The following ANK2 variants were observed in gnomAD, a reference collection of about 807,000 sequenced individuals.
ANK2 encodes ankyrin-2.
In ANK2, 83 loss-of-function variants were observed where a neutral mutation model predicts 360.5. That is an observed-to-expected ratio of 0.23 (90% confidence interval 0.19 to 0.28). The LOEUF is 0.28. Among genes scored for constraint, ANK2 ranks in the 10% least tolerant of loss-of-function variants. The pLI is 1.00. For missense variants in ANK2, 4,201 were observed against 4,795.7 expected, an observed-to-expected ratio of 0.88 and a Z score of 3.66; for synonymous variants, 1,740 against 1,759.5, an observed-to-expected ratio of 0.99 and a Z score of 0.28.
chr4:113,216,431 T>C (rs778781320), intron 4 of ANK2, among the ~76,000 whole-genome samples: 3 of 152,206 alleles, frequency 2.0e-5, no homozygotes, highest in Non-Finnish European at 2.9e-5. Flanking sequence ...GATTCTTTAC[T>C]TAGAAGAATT....
intron 24 of ANK2, among the ~76,000 whole-genome samples, chr4:113,315,138 T>C (rs555373864): frequency 3.9e-5 from 6 of 152,368 alleles, no homozygotes; most frequent in African/African-American, 1.4e-4. Flanking sequence ...AACACCTCTC[T>C]ATTCCTCTCA....
rs757052638 is a variant in ANK2 at position 113,007,627 on chromosome 4, T to C, written c.21+103113T>C. Among the ~76,000 whole-genome samples the C allele has an allele frequency of 4.7e-4, 71 of 152,112 alleles. 1 individual carries two copies. Among genetic ancestry groups the C allele is most frequent in the South Asian group, 4.1e-4 (2 of 4,836 alleles). On this transcript the variant is annotated intron_variant, in intron 2 of 30. Coordinates refer to the ANK2 transcript ENST00000503271. ...CATCACATTAAATTTAAGACTTCGA[T>C]TGCTAAACAGTGAATATACATACAG...
chr4:112,822,445 C>CA (rs1164763149), intron 1 of ANK2, among the ~76,000 whole-genome samples: 9 of 145,754 alleles, frequency 6.2e-5, no homozygotes, highest in South Asian at 2.2e-4. Context: ...AAAACAACAA[C>CA]AACAAAAAAC....
Position 113,258,062 on chromosome 4 carries a change from C to A in ANK2, c.1201C>A (p.Pro401Thr). 1.2e-6 allele frequency: 2 copies of A among 1,614,032 alleles called. No homozygotes were observed. Among genetic ancestry groups the A allele is most frequent in the Non-Finnish European group, 1.7e-6 (2 of 1,179,884 alleles). Residue 401 changes from proline to threonine, a missense_variant, in exon 12 of 46, where the codon CCA becomes ACA. By Grantham distance (38) the Pro-to-Thr change is conservative (BLOSUM62 -1). Transcript: ENST00000357077. ...PNARALNGFTPLHIACKKNRI... is the reference protein window; with the variant it reads ...PNARALNGFTTLHIACKKNRI... ...GTCTTTTGCACAGAATGGTTTTACT[C>A]CACTGCACATTGCCTGCAAGAAAAA...
At chr4:113,161,627 T>C (rs1457381536) in intron 1 of ANK2, among the ~76,000 whole-genome samples, 1 of 151,762 alleles carries the variant, frequency 6.6e-6, no homozygotes, top group Admixed American at 6.6e-5. Flanking sequence ...AATAAGAAAA[T>C]GTCAGCTGCA....
At chr4:113,200,014 A>G (rs965970334) in intron 4 of ANK2, among the ~76,000 whole-genome samples, 2 of 152,226 alleles carry the variant, frequency 1.3e-5, no homozygotes, top group Non-Finnish European at 2.9e-5. Flanking sequence ...ACAAAAGGCA[A>G]TGGTTAAATC....
intron 5 of ANK2, among the ~76,000 whole-genome samples, chr4:113,236,066 C>T (rs1334945382): frequency 1.3e-5 from 2 of 152,094 alleles, no homozygotes; most frequent in African/African-American, 4.8e-5. Flanking sequence ...ATTCTATTGC[C>T]CATATTTTTT....
upstream of ANK2, among the ~76,000 whole-genome samples, chr4:112,816,741 T>TG (rs1429965884): frequency 1.3e-5 from 2 of 152,258 alleles, no homozygotes; most frequent in Admixed American, 6.5e-5. Context: ...CCGGGCACAG[T>TG]GGCTCACGCC....
chr4:113,353,459 A>AGGG lies in ANK2; in HGVS notation c.4841_4842insGGG (p.Tyr1614delinsTer). 6.2e-7 allele frequency: 1 copy of AGGG among 1,614,100 alleles called. No individual in the cohort carries two copies. The highest frequency in any genetic ancestry group is 8.5e-7 in the Non-Finnish European group (1 of 1,179,972). On this transcript the variant is annotated stop_gained, in exon 38 of 46. Coordinates refer to ENST00000357077, the MANE Select transcript of ANK2 (RefSeq NM_001148.6). LOFTEE classifies it high-confidence loss of function. ...AAAGCACCTTTAGAAATCACTGAAT[A>AGGG]TCCATGTGTAGAAGTTAGAATAGAT...
chr4:113,046,060 A>G (rs931806789), upstream of ANK2, among the ~76,000 whole-genome samples: 1 of 152,198 alleles, frequency 6.6e-6, no homozygotes, highest in Non-Finnish European at 1.5e-5. Flanking sequence ...TGGAAAATGT[A>G]CATTAGGATA....
At chr4:112,730,372 C>T in the ANK2 span, among the ~76,000 whole-genome samples, 1 of 150,790 alleles carries the variant, frequency 6.6e-6, no homozygotes, top group African/African-American at 2.4e-5. Flanking sequence ...CGCAGTGGCT[C>T]ACGCCTGTAA....
chr4:112,790,025 T>C, the ANK2 span, among the ~76,000 whole-genome samples: 2 of 152,216 alleles, frequency 1.3e-5, no homozygotes, highest in African/African-American at 4.8e-5. Context: ...ACTGCCTTTT[T>C]GGAAGCAGCA....
chr4:112,860,687 A>C (rs568848766), intron 1 of ANK2, among the ~76,000 whole-genome samples: 1 of 152,174 alleles, frequency 6.6e-6, no homozygotes, highest in Non-Finnish European at 1.5e-5. Flanking sequence ...AGGCTTGCTT[A>C]GTTAGTGGGT....
At chr4:112,863,554 G>T (rs867539606) in intron 1 of ANK2, among the ~76,000 whole-genome samples, 4 of 119,392 alleles carry the variant, frequency 3.4e-5, no homozygotes, top group East Asian at 2.4e-4. Context: ...ACGGAGTCTC[G>T]CTCTGTCACC....
At chr4:112,944,268 T>A (rs1216368847) in intron 2 of ANK2, among the ~76,000 whole-genome samples, 1 of 152,242 alleles carries the variant, frequency 6.6e-6, no homozygotes, top group African/African-American at 2.4e-5. Context: ...ATTTGTTCAC[T>A]ATGATCTTAT....
At chr4:113,307,271 G>A (rs1189080892) in intron 23 of ANK2, among the ~76,000 whole-genome samples, 1 of 152,082 alleles carries the variant, frequency 6.6e-6, no homozygotes, top group African/African-American at 2.4e-5. Context: ...CACTTAGTGG[G>A]GCTCTTCATC....
chr4:113,363,553 T>G (rs1410395439), intron 40 of ANK2, 84 bp downstream of exon 40: 1 of 1,515,426 alleles, frequency 6.6e-7, no homozygotes, highest in Admixed American at 1.7e-5. Flanking sequence ...AGTAGAATAG[T>G]AAAGAAGCAA....
At chr4:113,113,148 G>A (rs547619592) in intron 1 of ANK2, among the ~76,000 whole-genome samples, 8 of 151,588 alleles carry the variant, frequency 5.3e-5, no homozygotes, top group Non-Finnish European at 8.8e-5. Context: ...ATGAACTCTT[G>A]GCACATAGTT....
rs370067846 is a variant in ANK2 at position 113,311,660 on chromosome 4, G to C, written c.2693+261G>C. ...AGAAGCAAAACCATCATAAATAAGA[G>C]TTCTCATCATTTAAATGTGGCGTTT... On this transcript the variant is annotated intron_variant, in intron 24 of 45. Coordinates refer to ENST00000357077, the MANE Select transcript of ANK2 (RefSeq NM_001148.6). Among the ~76,000 whole-genome samples, 55 of 152,170 alleles carry C rather than the reference G, an allele frequency of 3.6e-4. No individual in the cohort carries two copies. The South Asian group carries it at 7.9e-3, about 22-fold the overall frequency.
Sources: allele counts gnomAD v4.1 joint callset (sites outside exome capture counted in the v4.1 genomes callset), GRCh38; gene constraint gnomAD v4.1.1; transcripts MANE v1.5; gene names NCBI Gene and HGNC (gene_info 2026-07-23, HGNC 2026-07-21).